The following NECAB2 variants were observed in gnomAD, a reference collection of about 807,000 sequenced individuals.
NECAB2 encodes the protein N-terminal EF-hand calcium binding protein 2, also known as N-terminal EF-hand calcium-binding protein 2.
A neutral mutation model predicts 51.9 loss-of-function variants in NECAB2; 68 were observed. That is an observed-to-expected ratio of 1.31 (90% CI 1.08 to 1.60). The LOEUF (loss-of-function observed/expected upper bound fraction) is 1.60. Among genes scored for constraint, NECAB2 ranks in the 40% most tolerant of loss-of-function variants. The probability of loss-of-function intolerance (pLI) is 0.00; values close to 1 mark genes in which losing one functional copy is unlikely to be tolerated. For synonymous variants in NECAB2, 329 were observed against 203.5 expected (o/e 1.62, Z -5.25); for missense variants, 854 against 490.3 (o/e 1.74, Z -7.00).
At chr16:83,996,700 TG>T (rs1221863872) in intron 8 of NECAB2, among the ~76,000 whole-genome samples, 6 of 152,074 alleles carry the variant, frequency 3.9e-5, no homozygotes, top group Admixed American at 1.3e-4. Flanking sequence ...TGATCTTCTG[TG>T]GGGGCTCAGC....
chr16:83,982,991 C>T (rs754778117), intron 5 of NECAB2, among the ~76,000 whole-genome samples: 2 of 151,978 alleles, frequency 1.3e-5, no homozygotes, highest in Non-Finnish European at 2.9e-5. Context: ...GCCTCAGCCT[C>T]CCGAGTAGCT....
Position 84,002,683 on chromosome 16 carries a change from C to A in NECAB2, c.*337C>A, listed in dbSNP as rs1408108726. The stretch of plus-strand genomic sequence containing the variant: ...ACACCCTGCCCTCTTCGGTGACATT[C>A]TTCTACCTAGTAGGAGTCATGCCCC... On this transcript the variant is annotated 3_prime_UTR_variant, in exon 13 of 13. Coordinates refer to ENST00000305202, the MANE Select transcript of NECAB2 (RefSeq NM_019065.3). 5.1e-6 allele frequency: 2 copies of A among 392,574 alleles called. No individual in the cohort carries two copies. Among genetic ancestry groups the A allele is most frequent in the African/African-American group, 4.1e-5 (2 of 49,048 alleles). The allele number at this position is 392,574 out of a possible 1,614,324, so 24.3% of individuals were successfully genotyped here. A position where few individuals can be genotyped will look rare whatever the true frequency, so the allele number is the denominator to read the frequency against.
At chr16:83,998,806 C>A (rs1217415317) in intron 10 of NECAB2, among the ~76,000 whole-genome samples, 1 of 152,104 alleles carries the variant, frequency 6.6e-6, no homozygotes, top group Non-Finnish European at 1.5e-5. Flanking sequence ...GCCCTTCTCC[C>A]CCTGATGTGC....
rs1472147952 is a variant in NECAB2 at position 84,002,350 on chromosome 16, C to T, written c.*4C>T. On this transcript the variant is annotated 3_prime_UTR_variant, in exon 13 of 13. Coordinates refer to ENST00000305202, the MANE Select transcript of NECAB2 (RefSeq NM_019065.3). ...GTGCACGGTGGGACGGGACTGACAG[C>T]CTCCCAGAGGCCCGTGGAGGAGCCC... The T allele has an allele frequency of 5.0e-6, 8 of 1,613,942 alleles. No individual in the cohort carries two copies. Among genetic ancestry groups the T allele is most frequent in the South Asian group, 1.1e-5 (1 of 91,076 alleles).
At chr16:83,994,458 G>T (rs748636767) in intron 7 of NECAB2, 38 bp downstream of exon 7, 1 of 1,608,126 alleles carries the variant, frequency 6.2e-7, no homozygotes. Context: ...GGTACCAGCT[G>T]GGGGTCCCGA....
At position 83,968,537 on chromosome 16, in the gene NECAB2, CGG is replaced by C; in HGVS notation, c.-110_-109del. On this transcript the variant is annotated 5_prime_UTR_variant, in exon 1 of 13. Coordinates refer to ENST00000305202, the MANE Select transcript of NECAB2 (RefSeq NM_019065.3). Reference sequence around the variant, plus strand: ...GCGGTGTCCGCGGCCGCGGGGGCAGCGGGAGAGAGGGCGGGGCGGCGCGGGCA... The same window carrying C: ...GCGGTGTCCGCGGCCGCGGGGGCAGCGAGAGAGGGCGGGGCGGCGCGGGCA... The C allele has an allele frequency of 1.2e-6, 1 of 868,542 alleles. No homozygotes were observed. 53.8% of individuals were successfully genotyped at this position (868,542 alleles called of 1,614,324 possible).
At chr16:83,984,154 C>A (rs1011080831) in intron 5 of NECAB2, among the ~76,000 whole-genome samples, 1 of 151,832 alleles carries the variant, frequency 6.6e-6, no homozygotes, top group South Asian at 2.1e-4. Context: ...CGCTACTACG[C>A]CTGGCTAATT....
At chr16:83,970,748 C>G (rs2084338866) in intron 1 of NECAB2, among the ~76,000 whole-genome samples, 1 of 152,124 alleles carries the variant, frequency 6.6e-6, no homozygotes, top group African/African-American at 2.4e-5. Context: ...AAACAAGCCA[C>G]TGAGATTGGG....
chr16:83,981,096 C>T lies in NECAB2; in HGVS notation c.428C>T (p.Ser143Phe). ...GCCTCCCTGGAGACCTTGAATCACT[C>T]TGTCCTGAAGGCCATGGGTTATACC... is the stretch of plus-strand genomic sequence containing the variant. ...VLASLETLNHSVLKAMGYTKK... is the reference protein window; with the variant it reads ...VLASLETLNHFVLKAMGYTKK... The change falls in exon 5 of 13, where the codon TCT becomes TTT. Residue 143 changes from serine (S) to phenylalanine (F), a missense_variant. Coordinates refer to ENST00000305202, the MANE Select transcript of NECAB2 (RefSeq NM_019065.3). 6.2e-7 allele frequency: 1 copy of T among 1,614,190 alleles called. No individual in the cohort carries two copies. The highest frequency in any genetic ancestry group is 8.5e-7 in the Non-Finnish European group (1 of 1,180,036).
Position 83,990,441 on chromosome 16 carries a change from C to T in NECAB2, c.460-53C>T, listed in dbSNP as rs983827839. 3.1e-6 allele frequency: 5 copies of T among 1,600,876 alleles called. No homozygotes were observed. The African/African-American group carries it at 6.7e-5, about 21-fold the overall frequency. On this transcript the variant is annotated intron_variant, in intron 5 of 12. Transcript: ENST00000305202. ...CCAACTCCTGTGCTAGACCCCACCT[C>T]CAATTTCCCTCCCACCCCTTTCCCC...
chr16:83,990,341 C>CT (rs567924268), intron 5 of NECAB2, among the ~76,000 whole-genome samples, 153 bp from the exon 6 acceptor site: 26 of 152,316 alleles, frequency 1.7e-4, no homozygotes, highest in African/African-American at 6.0e-4. Flanking sequence ...GCTACAGCCT[C>CT]TAAGACTGGA....
At chr16:83,966,090 A>G (rs1567659286), upstream of NECAB2, 1 of 1,174,032 alleles carries the variant, frequency 8.5e-7, no homozygotes, top group East Asian at 2.6e-5. Context: ...CCGTCCAAAG[A>G]TGCCCCGGGG....
chr16:83,968,490 C>T lies in NECAB2; in HGVS notation c.-159C>T, dbSNP rs1237308128. Reference sequence around the variant, plus strand: ...GTGGCTCGGGGTCCGGCCGGCCCGCCCCCCGGCGCCGGCCAGTCCCCGCGG... The same window carrying T: ...GTGGCTCGGGGTCCGGCCGGCCCGCTCCCCGGCGCCGGCCAGTCCCCGCGG... On this transcript the variant is annotated 5_prime_UTR_variant, in exon 1 of 13. Transcript: ENST00000305202. The T allele has an allele frequency of 4.5e-6, 2 of 447,490 alleles. No homozygotes were observed. Among genetic ancestry groups the T allele is most frequent in the East Asian group, 1.6e-4 (1 of 6,182 alleles). 27.7% of individuals were successfully genotyped at this position (447,490 alleles called of 1,614,324 possible).
chr16:83,998,468 T>A, intron 10 of NECAB2, 151 bp downstream of exon 10: 3 of 702,782 alleles, frequency 4.3e-6, no homozygotes, highest in Non-Finnish European at 7.0e-6. Flanking sequence ...GGTTCAGGTC[T>A]CTACTGAGGT....
intron 7 of NECAB2, 55 bp from the exon 8 acceptor site, chr16:83,994,554 C>G (rs911371953): frequency 6.2e-7 from 1 of 1,608,716 alleles, no homozygotes; most frequent in Non-Finnish European, 8.5e-7. Context: ...AGCTTCCCCC[C>G]GAAGCCCTCG....
At chr16:83,978,856 T>G (rs1337211998) in intron 3 of NECAB2, among the ~76,000 whole-genome samples, 1 of 152,054 alleles carries the variant, frequency 6.6e-6, no homozygotes, top group Non-Finnish European at 1.5e-5. Flanking sequence ...ACTTCATCCT[T>G]CTGCCATCTT....
At chr16:84,001,674 C>CCCTCACCTTCCCACAAAG in intron 11 of NECAB2, 151 bp from the exon 12 acceptor site, 1 of 621,488 alleles carries the variant, frequency 1.6e-6, no homozygotes, top group Non-Finnish European at 2.5e-6. Context: ...CCTGGGCACC[C>CCCTCACCTTCCCACAAAG]CCTCACCTTC....
At chr16:84,001,280 G>A (rs949041355) in intron 11 of NECAB2, among the ~76,000 whole-genome samples, 1 of 147,244 alleles carries the variant, frequency 6.8e-6, no homozygotes, top group African/African-American at 2.7e-5. Context: ...GCACACATCT[G>A]GGAGAGGGTG....
intron 8 of NECAB2, among the ~76,000 whole-genome samples, chr16:83,996,134 G>T (rs992625323): frequency 6.6e-6 from 1 of 152,210 alleles, no homozygotes; most frequent in Non-Finnish European, 1.5e-5. Flanking sequence ...AAGGATGGAG[G>T]CTCTAGGGGC....
Sources: allele counts gnomAD v4.1 joint callset (sites outside exome capture counted in the v4.1 genomes callset), GRCh38; gene constraint gnomAD v4.1.1; transcripts MANE v1.5; gene names NCBI Gene and HGNC (gene_info 2026-07-23, HGNC 2026-07-21).